CDK14: variants seen among roughly 807,000 people sequenced by gnomAD.
CDK14 encodes cyclin dependent kinase 14.
CDK14 carries 34 observed loss-of-function variants against 60.7 expected under a neutral mutation model. The observed-to-expected ratio is 0.56, with a 90% CI of 0.43 to 0.75. The LOEUF is 0.75. Ranked by LOEUF, CDK14 falls within the 30% of genes least tolerant of loss-of-function variation. The pLI, the probability that CDK14 is intolerant of heterozygous loss-of-function variation, is 0.00. For missense variants in CDK14, 482 were observed against 564.1 expected (o/e 0.85, Z 1.47); for synonymous variants, 197 against 203.7 (o/e 0.97, Z 0.28).
intron 6 of CDK14, among the ~76,000 whole-genome samples, chr7:90,867,540 G>A (rs1036672333): frequency 1.2e-4 from 19 of 152,114 alleles, no homozygotes; most frequent in African/African-American, 4.6e-4. Context: ...CAAAGCATGT[G>A]TAGCAGCATT....
Position 90,729,344 on chromosome 7 carries a change from G to GTTTTTTTTTTTTTTTTTTTTTTTTTTT in CDK14, c.369+2533_369+2559dup, listed in dbSNP as rs1237046149. Among the ~76,000 whole-genome samples, 5 of 45,206 alleles carry GTTTTTTTTTTTTTTTTTTTTTTTTTTT rather than the reference G, an allele frequency of 1.1e-4. 2 individuals carry two copies. The highest frequency in any genetic ancestry group is 1.8e-4 in the African/African-American group (2 of 11,350). 29.7% of individuals were successfully genotyped at this position (45,206 alleles called of 152,430 possible). On this transcript the variant is annotated intron_variant, in intron 3 of 14. Transcript: ENST00000380050. Reference sequence around the variant, plus strand: ...TGCCTTGGATCATGTAGGTATCAAGGTTTTTTTTTTTTTTTTTTTTTTTTT... The same window carrying GTTTTTTTTTTTTTTTTTTTTTTTTTTT: ...TGCCTTGGATCATGTAGGTATCAAGGTTTTTTTTTTTTTTTTTTTTTTTTTTTTTTTTTTTTTTTTTTTTTTTTTTTT...
intron 4 of CDK14, among the ~76,000 whole-genome samples, chr7:90,749,720 C>T (rs1263258675): frequency 6.6e-6 from 1 of 152,178 alleles, no homozygotes; most frequent in Non-Finnish European, 1.5e-5. Context: ...TCCACTTCCT[C>T]TGCAGAGACT....
At chr7:90,962,335 A>G (rs763131087) in intron 9 of CDK14, among the ~76,000 whole-genome samples, 1 of 151,908 alleles carries the variant, frequency 6.6e-6, no homozygotes, top group Admixed American at 6.6e-5. Flanking sequence ...AAAAATACAA[A>G]ATTAGCTGGG....
In CDK14 at chr7:90,928,220, A is replaced by C. The variant is rs1159912815; in HGVS notation, c.826+10496A>C. 2.6e-5 allele frequency among the ~76,000 whole-genome samples: 4 copies of C among 151,984 alleles called. No individual in the cohort carries two copies. The East Asian group carries it at 7.7e-4, about 29-fold the overall frequency. Reference sequence around the variant, plus strand: ...GAACGTCTGAAGCCTTCTTCTTTCAACTCATCAAAGTCATTCTCCGTCCAG... The same window carrying C: ...GAACGTCTGAAGCCTTCTTCTTTCACCTCATCAAAGTCATTCTCCGTCCAG... On this transcript the variant is annotated intron_variant, in intron 8 of 14. Coordinates refer to ENST00000380050, the MANE Select transcript of CDK14 (RefSeq NM_001287135.2).
chr7:90,982,404 C>T (rs146614597), intron 9 of CDK14, among the ~76,000 whole-genome samples: 9 of 152,266 alleles, frequency 5.9e-5, no homozygotes, highest in Non-Finnish European at 7.4e-5. Flanking sequence ...TCTGGCTCAG[C>T]GATTCTCACT....
At chr7:90,772,881 C>G (rs1377396973) in intron 4 of CDK14, among the ~76,000 whole-genome samples, 1 of 151,964 alleles carries the variant, frequency 6.6e-6, no homozygotes, top group African/African-American at 2.4e-5. Flanking sequence ...GAATGTTGTT[C>G]TTGGGAAAAA....
intron 5 of CDK14, among the ~76,000 whole-genome samples, chr7:90,810,748 G>A (rs1789063096): frequency 6.6e-6 from 1 of 151,878 alleles, no homozygotes; most frequent in Non-Finnish European, 1.5e-5. Flanking sequence ...TCCTTAAGCT[G>A]ATAAGCAACT....
intron 2 of CDK14, chr7:90,709,735 C>A: frequency 7.0e-7 from 1 of 1,437,766 alleles, no homozygotes; most frequent in Non-Finnish European, 9.1e-7. Flanking sequence ...TGGTCTTATT[C>A]CACTGAGATT....
chr7:90,789,399 A>G (rs577761349), intron 4 of CDK14, among the ~76,000 whole-genome samples: 10 of 152,230 alleles, frequency 6.6e-5, no homozygotes, highest in African/African-American at 1.7e-4. Context: ...AAGTCTATAT[A>G]TCTTGTACCT....
intron 5 of CDK14, among the ~76,000 whole-genome samples, chr7:90,820,563 G>GT (rs1789509765): frequency 6.6e-6 from 1 of 152,126 alleles, no homozygotes; most frequent in Admixed American, 6.6e-5. Flanking sequence ...CGCCATGACT[G>GT]TAAGTTTCCT....
intron 14 of CDK14, among the ~76,000 whole-genome samples, chr7:91,144,997 A>T (rs562233393): frequency 6.6e-6 from 1 of 152,144 alleles, no homozygotes; most frequent in Non-Finnish European, 1.5e-5. Context: ...GGATCGCACT[A>T]CTTTCCTTTC....
intron 5 of CDK14, among the ~76,000 whole-genome samples, chr7:90,853,457 G>A (rs1321612371): frequency 6.6e-6 from 1 of 151,944 alleles, no homozygotes; most frequent in African/African-American, 2.4e-5. Context: ...GACTGACTTA[G>A]CTGTTTCTGT....
chr7:90,671,016 G>A (rs1584783361), intron 2 of CDK14, among the ~76,000 whole-genome samples: 1 of 152,088 alleles, frequency 6.6e-6, no homozygotes, highest in Non-Finnish European at 1.5e-5. Context: ...AATAGGGGAG[G>A]TTTTTATGTG....
At position 91,075,396 on chromosome 7, in the gene CDK14, C is replaced by A. The variant is rs111627734; in HGVS notation, c.1106-4036C>A. On this transcript the variant is annotated intron_variant, in intron 11 of 14. Coordinates refer to ENST00000380050, the MANE Select transcript of CDK14 (RefSeq NM_001287135.2). ...ATGATTAACTCAATAGATGCAGAAA[C>A]GGCCTTCGATAAAATTCAACATCGC... Among the ~76,000 whole-genome samples, 1,233 of 152,194 alleles carry A rather than the reference C, an allele frequency of 8.1e-3. 19 individuals carry two copies. Among genetic ancestry groups the A allele is most frequent in the African/African-American group, 0.027 (1,137 of 41,522 alleles).
chr7:90,714,634 G>A (rs1011182552), intron 2 of CDK14, among the ~76,000 whole-genome samples: 2 of 151,974 alleles, frequency 1.3e-5, no homozygotes, highest in South Asian at 2.1e-4. Context: ...GCTCTGTGTG[G>A]TTAGTGACCC....
At chr7:91,026,860 A>G (rs28757635) in intron 10 of CDK14, among the ~76,000 whole-genome samples, 13,585 of 152,240 alleles carry the variant, frequency 0.089, 698 homozygotes, top group African/African-American at 0.12. Flanking sequence ...TATGACCATT[A>G]TAAATTCTCT....
At chr7:90,966,938 G>A (rs143941286) in intron 9 of CDK14, among the ~76,000 whole-genome samples, 4 of 152,034 alleles carry the variant, frequency 2.6e-5, no homozygotes, top group Non-Finnish European at 4.4e-5. Context: ...GTGCCTTCTC[G>A]TAGAGTTCTT....
At chr7:90,936,052 A>AT (rs1170448611) in intron 8 of CDK14, among the ~76,000 whole-genome samples, 1 of 151,906 alleles carries the variant, frequency 6.6e-6, no homozygotes, top group Non-Finnish European at 1.5e-5. Context: ...AAAAAAAAAA[A>AT]GAAAAAAGAA....
chr7:90,700,896 A>T (rs1801769903), intron 2 of CDK14, among the ~76,000 whole-genome samples: 1 of 152,260 alleles, frequency 6.6e-6, no homozygotes, highest in East Asian at 1.9e-4. Context: ...GTTCATCTTT[A>T]TACCTCCTGT....
Sources: gnomAD v4.1 joint callset for allele counts (sites outside exome capture counted in the v4.1 genomes callset) on GRCh38, gnomAD v4.1.1 for gene constraint, MANE v1.5 for transcripts, NCBI Gene and HGNC (gene_info 2026-07-23, HGNC 2026-07-21) for gene names.